The following CDC42BPB variants were observed in gnomAD, a reference collection of about 807,000 sequenced individuals.
CDC42BPB encodes serine/threonine-protein kinase MRCK beta.
A neutral mutation model predicts 214.9 loss-of-function variants in CDC42BPB; 37 were observed. The ratio of observed to expected loss-of-function variants is 0.17; its 90% CI spans 0.13 to 0.23. The LOEUF is 0.23. CDC42BPB is among the 10% of genes least tolerant of loss of function. The pLI, the probability that CDC42BPB is intolerant of heterozygous loss-of-function variation, is 1.00. For missense variants in CDC42BPB, 1,694 were observed against 2,227.0 expected (o/e 0.76, Z 4.82); for synonymous variants, 931 against 884.0 (o/e 1.05, Z -0.94).
intron 13 of CDC42BPB, among the ~76,000 whole-genome samples, chr14:102,970,619 G>A (rs894974335): frequency 3.9e-5 from 6 of 152,110 alleles, no homozygotes; most frequent in African/African-American, 1.4e-4. Flanking sequence ...CACGAAGAAC[G>A]AGCAGAATAG....
chr14:103,040,877 T>C (rs1887951262), intron 1 of CDC42BPB, among the ~76,000 whole-genome samples: 2 of 152,178 alleles, frequency 1.3e-5, no homozygotes, highest in South Asian at 4.1e-4. Flanking sequence ...TTCAATGAAA[T>C]CCTTGTAAGA....
At chr14:103,048,049 C>T (rs1169124449) in intron 1 of CDC42BPB, among the ~76,000 whole-genome samples, 2 of 152,092 alleles carry the variant, frequency 1.3e-5, no homozygotes, top group African/African-American at 2.4e-5. Flanking sequence ...GAAAGAGACA[C>T]GAAGAATCCC....
Position 102,975,709 on chromosome 14 carries a change from G to A in CDC42BPB, c.1482C>T (p.Ile494=), listed in dbSNP as rs377142500. 597 of 1,613,872 alleles carry A rather than the reference G, an allele frequency of 3.7e-4. 1 individual carries two copies. Among genetic ancestry groups the A allele is most frequent in the Non-Finnish European group, 3.6e-4 (424 of 1,179,922 alleles). Residue 494 remains isoleucine (I), a synonymous_variant, in exon 11 of 37, where the codon ATC becomes ATT. Coordinates refer to ENST00000361246, the MANE Select transcript of CDC42BPB (RefSeq NM_006035.4). ...DKEIKKLNEE[I]ERLKNKIADS... ...CTGCTATTTTATTCTTCAAGCGTTCGATTTCTTCATTTAGCTTTTTGATTT... is the reference window on the plus strand; with the variant it reads ...CTGCTATTTTATTCTTCAAGCGTTCAATTTCTTCATTTAGCTTTTTGATTT...
intron 19 of CDC42BPB, among the ~76,000 whole-genome samples, chr14:102,964,094 C>A (rs1282514934): frequency 6.6e-6 from 1 of 152,198 alleles, no homozygotes. Flanking sequence ...CATCTTCAAC[C>A]TCTGTTTTAA....
At chr14:102,985,699 C>T (rs893426813) in intron 6 of CDC42BPB, among the ~76,000 whole-genome samples, 1 of 152,250 alleles carries the variant, frequency 6.6e-6, no homozygotes, top group Non-Finnish European at 1.5e-5. Context: ...AAAGGGATTG[C>T]TCTCTCGGAA....
Position 102,970,134 on chromosome 14 carries a change from C to G in CDC42BPB, c.1995+17G>C. On this transcript the variant is annotated intron_variant, in intron 14 of 36. Coordinates refer to ENST00000361246, the MANE Select transcript of CDC42BPB (RefSeq NM_006035.4). ...CATCCCTCTCAGTTAAGGGCAGAGA[C>G]CCCCGCCCAGCACTACCTTGAGGGC... 1 of 1,587,986 alleles carries G rather than the reference C, an allele frequency of 6.3e-7. No individual in the cohort carries two copies. The highest frequency in any genetic ancestry group is 8.6e-7 in the Non-Finnish European group (1 of 1,158,766).
Position 102,975,796 on chromosome 14 carries a change from G to A in CDC42BPB, c.1395C>T (p.Thr465=), listed in dbSNP as rs200614410. 2.6e-5 allele frequency: 42 copies of A among 1,614,204 alleles called. No individual in the cohort carries two copies. In the African/African-American group the frequency reaches 5.5e-4, roughly 21 times the overall value. Residue 465 remains threonine (T), a synonymous_variant, in exon 11 of 37, where the codon ACC becomes ACT. Transcript: ENST00000361246. ...LELSRKLQES[T]QTVQSLHGSS... is the part of the protein sequence containing the mutation. ...AGCCGTGGAGGGACTGCACGGTCTG[G>A]GTGGACTCTGAGGGATGGAGAGACA...
At chr14:103,039,108 C>A (rs79241361) in intron 1 of CDC42BPB, among the ~76,000 whole-genome samples, 1 of 151,876 alleles carries the variant, frequency 6.6e-6, no homozygotes, top group Admixed American at 6.6e-5. Flanking sequence ...AGATCTACAA[C>A]AGGCACAAAG....
At chr14:103,025,491 T>TG (rs1886999011) in intron 1 of CDC42BPB, among the ~76,000 whole-genome samples, 1 of 146,542 alleles carries the variant, frequency 6.8e-6, no homozygotes, top group Non-Finnish European at 1.5e-5. Flanking sequence ...ATTCATGTAA[T>TG]GAACTAGTAC....
At chr14:103,053,523 A>T (rs1371792542) in intron 1 of CDC42BPB, among the ~76,000 whole-genome samples, 2 of 152,050 alleles carry the variant, frequency 1.3e-5, no homozygotes, top group South Asian at 2.1e-4. Context: ...GAACTTTGGG[A>T]GGCCAAGGGG....
chr14:102,941,033 C>A, intron 30 of CDC42BPB: 1 of 831,516 alleles, frequency 1.2e-6, no homozygotes, highest in Non-Finnish European at 1.5e-6. Flanking sequence ...AGCCTTTGGC[C>A]ATTTGGAGTT....
chr14:102,945,858 T>A (rs1264747249), intron 28 of CDC42BPB, 134 bp from the exon 29 acceptor site: 1 of 728,446 alleles, frequency 1.4e-6, no homozygotes, highest in East Asian at 2.7e-5. Context: ...TCCAGGGATG[T>A]GACACTTCAG....
At chr14:102,945,771 GAACAATATGGGTT>G in intron 28 of CDC42BPB, 47 bp from the exon 29 acceptor site, 1 of 1,559,380 alleles carries the variant, frequency 6.4e-7, no homozygotes, top group African/African-American at 1.4e-5. Flanking sequence ...AGCCGACCGT[GAACAATATGGGTT>G]TGAATGCGTG....
At chr14:102,994,589 G>A (rs141312400) in intron 5 of CDC42BPB, among the ~76,000 whole-genome samples, 1 of 152,308 alleles carries the variant, frequency 6.6e-6, no homozygotes, top group Admixed American at 6.5e-5. Context: ...GGGGAGCAGC[G>A]GCGTCTTCAG....
chr14:103,023,853 G>A (rs1340641948), intron 1 of CDC42BPB, among the ~76,000 whole-genome samples: 2 of 152,002 alleles, frequency 1.3e-5, no homozygotes, highest in East Asian at 1.9e-4. Context: ...TTAAGATCAC[G>A]CACAGATCAA....
In CDC42BPB at chr14:102,999,920, CAG is replaced by C. The variant is rs1385938140; in HGVS notation, c.448-209_448-208del. ...CCGCCATCTTCAGGGGTGCATATGG[CAG>C]AGAGTGGACTTCAGTAAGTGATGTA... On this transcript the variant is annotated intron_variant, in intron 4 of 36. Transcript: ENST00000361246. The C allele has an allele frequency of 4.1e-6, 4 of 985,078 alleles. No homozygotes were observed. In the African/African-American group the frequency reaches 5.2e-5, roughly 13 times the overall value. 61.0% of individuals were successfully genotyped at this position (985,078 alleles called of 1,614,324 possible). A position where few individuals can be genotyped will look rare whatever the true frequency, so the allele number is the denominator to read the frequency against.
intron 26 of CDC42BPB, among the ~76,000 whole-genome samples, chr14:102,949,121 C>T (rs1035170265): frequency 6.6e-6 from 1 of 152,222 alleles, no homozygotes; most frequent in Non-Finnish European, 1.5e-5. Context: ...AGCATGGCTC[C>T]GTGTGCAGGC....
chr14:102,940,277 C>G lies in CDC42BPB; in HGVS notation c.4456G>C (p.Val1486Leu). Reference sequence around the variant, plus strand: ...CACTCCATGGTGCGCACATCAAAGACGTCCACGCCATACTCGCTGTACACC... The same window carrying G: ...CACTCCATGGTGCGCACATCAAAGAGGTCCACGCCATACTCGCTGTACACC... ...VTVYSEYGVDVFDVRTMEWVQ... is the reference protein window; with the variant it reads ...VTVYSEYGVDLFDVRTMEWVQ... The change falls in exon 31 of 37, where the codon GTC becomes CTC. Residue 1486 changes from valine (V) to leucine (L), a missense_variant. Physicochemically the swap from Val to Leu is conservative, Grantham distance 32. Transcript: ENST00000361246. 4.4e-6 allele frequency: 7 copies of G among 1,594,182 alleles called. No individual in the cohort carries two copies. The highest frequency in any genetic ancestry group is 6.0e-6 in the Non-Finnish European group (7 of 1,170,288).
At chr14:102,998,423 G>A (rs1050462030) in intron 5 of CDC42BPB, among the ~76,000 whole-genome samples, 1 of 152,200 alleles carries the variant, frequency 6.6e-6, no homozygotes, top group Non-Finnish European at 1.5e-5. Context: ...TTTGGTTGGA[G>A]GCTCTATAGA....
Sources: gnomAD v4.1 joint callset for allele counts (sites outside exome capture counted in the v4.1 genomes callset) on GRCh38, gnomAD v4.1.1 for gene constraint, MANE v1.5 for transcripts, NCBI Gene and HGNC (gene_info 2026-07-23, HGNC 2026-07-21) for gene names.